The following TYW1 variants were observed in gnomAD, a reference collection of about 807,000 sequenced individuals.
TYW1 encodes the protein tRNA-yW synthesizing protein 1 homolog, also known as S-adenosyl-L-methionine-dependent tRNA 4-demethylwyosine synthase TYW1.
In TYW1, 46 loss-of-function variants were observed where a neutral mutation model predicts 96.2. The observed-to-expected ratio is 0.48, with a 90% CI of 0.38 to 0.61. The LOEUF (loss-of-function observed/expected upper bound fraction) is 0.61, where lower values mean the gene tolerates loss of function less well. Ranked by LOEUF, TYW1 falls within the 20% of genes least tolerant of loss-of-function variation. The probability of loss-of-function intolerance (pLI) is 0.00; values close to 1 mark genes in which losing one functional copy is unlikely to be tolerated. For missense variants in TYW1, 684 were observed against 909.6 expected, an observed-to-expected ratio of 0.75 and a Z score of 3.19; for synonymous variants, 274 against 323.0, an observed-to-expected ratio of 0.85 and a Z score of 1.63.
chr7:67,213,729 A>T (rs1036736110), intron 15 of TYW1, among the ~76,000 whole-genome samples: 3 of 152,248 alleles, frequency 2.0e-5, no homozygotes, highest in African/African-American at 7.2e-5. Flanking sequence ...TCTTTCTTGC[A>T]TGTGGACATC....
At chr7:67,072,575 A>C (rs966427996) in intron 10 of TYW1, among the ~76,000 whole-genome samples, 1 of 151,996 alleles carries the variant, frequency 6.6e-6, no homozygotes, top group African/African-American at 2.4e-5. Context: ...AAAAATTCTT[A>C]TTATAGATTT....
chr7:67,062,168 C>T (rs183291511), intron 9 of TYW1, among the ~76,000 whole-genome samples: 128 of 152,026 alleles, frequency 8.4e-4, no homozygotes, highest in African/African-American at 2.9e-3. Flanking sequence ...TCCAGCACTT[C>T]GGGAGGCTGA....
chr7:67,197,156 C>T (rs1358664878), intron 15 of TYW1, among the ~76,000 whole-genome samples: 1 of 152,202 alleles, frequency 6.6e-6, no homozygotes, highest in Non-Finnish European at 1.5e-5. Context: ...TTATGAAACA[C>T]TTAACACAGC....
chr7:67,011,253 G>T (rs572559651), intron 4 of TYW1, among the ~76,000 whole-genome samples: 1 of 152,246 alleles, frequency 6.6e-6, no homozygotes, highest in Non-Finnish European at 1.5e-5. Context: ...GGCCAGGCTG[G>T]TGTTGAACTC....
intron 15 of TYW1, among the ~76,000 whole-genome samples, chr7:67,214,599 A>G (rs1056189186): frequency 2.6e-5 from 4 of 152,200 alleles, no homozygotes; most frequent in African/African-American, 9.6e-5. Context: ...GGGAATATCT[A>G]GCTTCTCACC....
At chr7:67,108,443 CTTTT>C (rs11433479) in intron 12 of TYW1, among the ~76,000 whole-genome samples, 6 of 134,780 alleles carry the variant, frequency 4.5e-5, no homozygotes, top group African/African-American at 2.8e-5. Context: ...CAGATTTTTT[CTTTT>C]TTTTTTTTTT....
chr7:67,138,560 A>C (rs1330786587), intron 13 of TYW1, among the ~76,000 whole-genome samples: 2 of 152,100 alleles, frequency 1.3e-5, no homozygotes, highest in African/African-American at 4.8e-5. Flanking sequence ...GCTATCAAAG[A>C]CTAGGTCTTA....
chr7:67,217,572 G>T (rs1431920765), intron 15 of TYW1, among the ~76,000 whole-genome samples: 1 of 152,090 alleles, frequency 6.6e-6, no homozygotes, highest in East Asian at 1.9e-4. Context: ...ATTTGTTAGG[G>T]TTTATTTCTG....
intron 7 of TYW1, among the ~76,000 whole-genome samples, chr7:67,034,277 A>AT (rs79757726): frequency 1.0e-4 from 15 of 150,610 alleles, no homozygotes; most frequent in African/African-American, 2.9e-4. Context: ...CTATTTTTGT[A>AT]TTTTTTTTAG....
At position 67,058,494 on chromosome 7, in the gene TYW1, T is replaced by G. The variant is rs1206229017; in HGVS notation, c.1155+2607T>G. ...AGAAGCCATTTTTAAAAATTGTTTA[T>G]TTTTTTGAGGTAGAGTCTTGCCCTG... On this transcript the variant is annotated intron_variant, in intron 9 of 15. Coordinates refer to ENST00000359626, the MANE Select transcript of TYW1 (RefSeq NM_018264.4). Among the ~76,000 whole-genome samples the G allele has an allele frequency of 2.0e-5, 3 of 152,234 alleles. No homozygotes were observed. In the East Asian group the frequency reaches 5.8e-4, roughly 29 times the overall value.
intron 9 of TYW1, among the ~76,000 whole-genome samples, chr7:67,061,056 C>T (rs947344490): frequency 2.0e-5 from 3 of 152,100 alleles, no homozygotes; most frequent in Admixed American, 1.3e-4. Flanking sequence ...TGTGAAACCC[C>T]GTCTCTACTA....
intron 15 of TYW1, among the ~76,000 whole-genome samples, chr7:67,202,803 A>G (rs1800644982): frequency 6.6e-6 from 1 of 152,344 alleles, no homozygotes; most frequent in Admixed American, 6.5e-5. Flanking sequence ...GACAGCCACA[A>G]AAGAAAACTG....
chr7:67,203,046 T>G (rs1225825038), intron 15 of TYW1, among the ~76,000 whole-genome samples: 1 of 152,228 alleles, frequency 6.6e-6, no homozygotes, highest in African/African-American at 2.4e-5. Context: ...TGTTTTGTGT[T>G]TAGATTTATG....
intron 14 of TYW1, among the ~76,000 whole-genome samples, chr7:67,193,508 C>T (rs1457797376): frequency 6.6e-6 from 1 of 152,052 alleles, no homozygotes; most frequent in South Asian, 2.1e-4. Flanking sequence ...ATCTGTAATC[C>T]CAGCACATAG....
intron 13 of TYW1, among the ~76,000 whole-genome samples, chr7:67,144,602 C>A (rs1452258965): frequency 6.6e-5 from 10 of 152,172 alleles, no homozygotes; most frequent in Non-Finnish European, 1.0e-4. Flanking sequence ...TTCCGAGTAG[C>A]TGGAACTACA....
chr7:67,067,520 C>G (rs2687014), intron 10 of TYW1, 117 bp downstream of exon 10: 1 of 1,211,744 alleles, frequency 8.3e-7, no homozygotes, highest in East Asian at 2.4e-5. Context: ...TTAATCTTTT[C>G]AACTGTGAAT....
chr7:67,042,235 A>C (rs1795052521), intron 7 of TYW1, among the ~76,000 whole-genome samples: 1 of 150,210 alleles, frequency 6.7e-6, no homozygotes, highest in African/African-American at 2.4e-5. Flanking sequence ...TAACTATAAT[A>C]GTTAATAATT....
chr7:67,180,384 GTTTATATATA>G (rs1479595725), intron 13 of TYW1, among the ~76,000 whole-genome samples: 4 of 68,628 alleles, frequency 5.8e-5, no homozygotes. Flanking sequence ...AAAGCTGTTG[GTTTATATATA>G]TATATATATA....
chr7:67,228,387 C>G (rs1045217886), intron 15 of TYW1, among the ~76,000 whole-genome samples: 1 of 152,156 alleles, frequency 6.6e-6, no homozygotes, highest in Non-Finnish European at 1.5e-5. Context: ...ATCTCAAGAA[C>G]AGCACAGGAA....
Sources: gnomAD v4.1 joint callset for allele counts (sites outside exome capture counted in the v4.1 genomes callset) on GRCh38, gnomAD v4.1.1 for gene constraint, MANE v1.5 for transcripts, NCBI Gene and HGNC (gene_info 2026-07-23, HGNC 2026-07-21) for gene names.